Variants in ARL15 observed in about 807,000 individuals in gnomAD.
ARL15 encodes the protein ARF like GTPase 15, also known as ADP-ribosylation factor-like protein 15.
A neutral mutation model predicts 25.2 loss-of-function variants in ARL15; 19 were observed. The ratio of observed to expected loss-of-function variants is 0.75; its 90% confidence interval spans 0.53 to 1.10. The LOEUF (loss-of-function observed/expected upper bound fraction) is 1.10, where lower values mean the gene tolerates loss of function less well. Ranked by LOEUF, ARL15 falls within the 50% of genes least tolerant of loss-of-function variation. ARL15 has a pLI of 0.00. For missense variants in ARL15, 220 were observed against 246.0 expected, an observed-to-expected ratio of 0.89 and a Z score of 0.71; for synonymous variants, 94 against 86.8, an observed-to-expected ratio of 1.08 and a Z score of -0.46.
intron 1 of ARL15, among the ~76,000 whole-genome samples, chr5:54,299,939 A>C (rs1050525983): frequency 3.3e-5 from 5 of 152,050 alleles, no homozygotes; most frequent in African/African-American, 1.2e-4. Context: ...GTTTCCATTT[A>C]CCTATGTGAA....
chr5:54,114,320 C>T (rs112595312), intron 3 of ARL15, among the ~76,000 whole-genome samples: 4 of 140,180 alleles, frequency 2.9e-5, no homozygotes, highest in Middle Eastern at 4.1e-3. Flanking sequence ...AGGAGGATCG[C>T]TTGAACCCGG....
chr5:54,065,560 G>GAGGCTGAGGCAGGAGAATCACTT (rs1751200990), intron 4 of ARL15, among the ~76,000 whole-genome samples: 2 of 116,670 alleles, frequency 1.7e-5, no homozygotes, highest in African/African-American at 3.8e-5. Context: ...CAGCTACTCC[G>GAGGCTGAGGCAGGAGAATCACTT]GAGGCTGAGG....
rs540835435 is a variant in ARL15, at chr5:54,281,576, T to C, written c.48+28856A>G. Among the ~76,000 whole-genome samples the C allele has an allele frequency of 1.1e-4, 16 of 152,300 alleles. No individual in the cohort carries two copies. The East Asian group carries it at 2.9e-3, about 28-fold the overall frequency. Reference sequence around the variant, plus strand: ...CTGGCCTCAACCCATAAGATGACAGTAGCATATCACCACCATCACCACCAG... The same window carrying C: ...CTGGCCTCAACCCATAAGATGACAGCAGCATATCACCACCATCACCACCAG... On this transcript the variant is annotated intron_variant, in intron 1 of 4. Transcript: ENST00000504924.
chr5:54,272,595 T>C (rs1561290942), intron 1 of ARL15, among the ~76,000 whole-genome samples: 1 of 152,062 alleles, frequency 6.6e-6, no homozygotes, highest in Non-Finnish European at 1.5e-5. Flanking sequence ...ATGTTTCTTA[T>C]CAAGAAAAAA....
At chr5:54,054,205 T>C (rs1181440082) in intron 4 of ARL15, among the ~76,000 whole-genome samples, 1 of 152,220 alleles carries the variant, frequency 6.6e-6, no homozygotes, top group Non-Finnish European at 1.5e-5. Flanking sequence ...CTGAATGTTG[T>C]ATTTAATATC....
intron 1 of ARL15, among the ~76,000 whole-genome samples, chr5:54,298,498 C>T (rs1758526571): frequency 1.3e-5 from 2 of 152,166 alleles, no homozygotes; most frequent in African/African-American, 2.4e-5. Context: ...TTCTACTGCA[C>T]CAGCACTGCG....
At position 54,150,526 on chromosome 5, in the gene ARL15, C is replaced by T. The variant is rs114858422; in HGVS notation, c.253+4054G>A. 1.9e-3 allele frequency among the ~76,000 whole-genome samples: 295 copies of T among 152,210 alleles called. 2 individuals are homozygous for T. The highest frequency in any genetic ancestry group is 6.7e-3 in the African/African-American group (280 of 41,536). ...GTCAATATGGTATTTTAGGGATGGG[C>T]GCAGTGGCTTATGTCTGTAATCTCA... On this transcript the variant is annotated intron_variant, in intron 3 of 4. Transcript: ENST00000504924.
chr5:53,992,193 G>A (rs1748525736), intron 4 of ARL15, among the ~76,000 whole-genome samples: 1 of 152,238 alleles, frequency 6.6e-6, no homozygotes, highest in South Asian at 2.1e-4. Context: ...AATGCACTGG[G>A]TACTTGACAG....
intron 1 of ARL15, among the ~76,000 whole-genome samples, chr5:54,203,376 C>A (rs1380031396): frequency 6.6e-6 from 1 of 152,140 alleles, no homozygotes; most frequent in South Asian, 2.1e-4. Context: ...CCAAGAATAT[C>A]GACTTTTTTA....
intron 4 of ARL15, among the ~76,000 whole-genome samples, chr5:54,029,095 G>A (rs2111881279): frequency 6.6e-6 from 1 of 151,966 alleles, no homozygotes; most frequent in East Asian, 1.9e-4. Context: ...GTTTTAGATT[G>A]CAGGTTCTTG....
chr5:54,227,974 G>GA (rs1464070568), intron 1 of ARL15, among the ~76,000 whole-genome samples: 1 of 152,140 alleles, frequency 6.6e-6, no homozygotes, highest in Non-Finnish European at 1.5e-5. Flanking sequence ...GGATGGGTTG[G>GA]AAAAAACCAC....
chr5:53,925,838 CTT>C (rs1041059409), intron 4 of ARL15, among the ~76,000 whole-genome samples: 1 of 151,852 alleles, frequency 6.6e-6, no homozygotes, highest in Non-Finnish European at 1.5e-5. Context: ...ACAAAAAAAA[CTT>C]TGTTTTTAAG....
At chr5:54,253,590 C>A (rs1437290316) in intron 1 of ARL15, among the ~76,000 whole-genome samples, 1 of 151,788 alleles carries the variant, frequency 6.6e-6, no homozygotes, top group East Asian at 1.9e-4. Flanking sequence ...CTTAAGGAAT[C>A]AGATTTTTTT....
At chr5:54,061,171 G>A (rs976190117) in intron 4 of ARL15, among the ~76,000 whole-genome samples, 4 of 152,204 alleles carry the variant, frequency 2.6e-5, no homozygotes, top group Admixed American at 2.0e-4. Context: ...TGCAGCCTAG[G>A]GACTTGGTGC....
intron 1 of ARL15, among the ~76,000 whole-genome samples, chr5:54,238,117 C>T (rs1274267590): frequency 6.6e-6 from 1 of 152,146 alleles, no homozygotes; most frequent in Admixed American, 6.5e-5. Context: ...TCCCCAACAT[C>T]CTTCCTGGCA....
intron 4 of ARL15, among the ~76,000 whole-genome samples, chr5:54,105,171 C>G (rs1752551538): frequency 6.6e-6 from 1 of 151,890 alleles, no homozygotes; most frequent in African/African-American, 2.4e-5. Flanking sequence ...GTTTTATTAA[C>G]TTTGTAAGCT....
chr5:54,179,987 C>T (rs2112425160), intron 1 of ARL15, among the ~76,000 whole-genome samples: 1 of 146,712 alleles, frequency 6.8e-6, no homozygotes, highest in South Asian at 2.2e-4. Flanking sequence ...CACTGCTCTC[C>T]AGCCTGGGTG....
chr5:53,975,377 T>G (rs1474148180), intron 4 of ARL15, among the ~76,000 whole-genome samples: 1 of 152,200 alleles, frequency 6.6e-6, no homozygotes, highest in African/African-American at 2.4e-5. Context: ...AAGCACTGTA[T>G]TCAAAGAGAG....
intron 4 of ARL15, among the ~76,000 whole-genome samples, chr5:54,086,442 C>CTTT (rs35248295): frequency 7.5e-5 from 11 of 146,412 alleles, no homozygotes; most frequent in African/African-American, 2.3e-4. Context: ...ATGAAAAGGC[C>CTTT]TTTTTTTTTT....
Sources: gnomAD v4.1 joint callset for allele counts (sites outside exome capture counted in the v4.1 genomes callset) on GRCh38, gnomAD v4.1.1 for gene constraint, MANE v1.5 for transcripts, NCBI Gene and HGNC (gene_info 2026-07-23, HGNC 2026-07-21) for gene names.